The following MTREX variants were observed in gnomAD, a reference collection of about 807,000 sequenced individuals.
MTREX encodes the protein Mtr4 exosome RNA helicase.
In MTREX, 76 loss-of-function variants were observed where a neutral mutation model predicts 135.4. The observed-to-expected ratio is 0.56, with a 90% confidence interval of 0.47 to 0.68. MTREX has a LOEUF of 0.68. Ranked by LOEUF, MTREX falls within the 30% of genes least tolerant of loss-of-function variation. The pLI is 0.00. For missense variants in MTREX, 920 were observed against 1,262.1 expected, an observed-to-expected ratio of 0.73 and a Z score of 4.11; for synonymous variants, 404 against 401.6, an observed-to-expected ratio of 1.01 and a Z score of -0.07.
chr5:55,413,253 C>T (rs1366966953), intron 23 of MTREX, among the ~76,000 whole-genome samples: 1 of 151,090 alleles, frequency 6.6e-6, no homozygotes, highest in African/African-American at 2.4e-5. Flanking sequence ...AGGGGAATCG[C>T]TTGAACCCGG....
intron 13 of MTREX, among the ~76,000 whole-genome samples, chr5:55,351,410 C>T (rs1393391562): frequency 6.6e-6 from 1 of 152,062 alleles, no homozygotes; most frequent in Non-Finnish European, 1.5e-5. Context: ...CAAGCACCTG[C>T]AGTCCCAGCT....
intron 24 of MTREX, among the ~76,000 whole-genome samples, chr5:55,414,474 C>T (rs1750935452): frequency 1.3e-5 from 2 of 152,056 alleles, no homozygotes; most frequent in African/African-American, 2.4e-5. Context: ...AACTGTATAG[C>T]ATTGTTGTGA....
At chr5:55,392,562 A>G (rs1396580910) in intron 19 of MTREX, among the ~76,000 whole-genome samples, 1 of 151,658 alleles carries the variant, frequency 6.6e-6, no homozygotes, top group Non-Finnish European at 1.5e-5. Context: ...AAAAAAAAAA[A>G]AATTCCCCAG....
At chr5:55,322,607 G>T (rs1749307133) in intron 2 of MTREX, 143 bp downstream of exon 2, 2 of 581,428 alleles carry the variant, frequency 3.4e-6, no homozygotes, top group African/African-American at 3.8e-5. Context: ...ACACAGGCAT[G>T]TAAATGTAGA....
In MTREX at chr5:55,416,152, A is replaced by G. The variant is rs527983175; in HGVS notation, c.2971+20A>G. ...TTGAAGGTATGGTTAAATTTTACAC[A>G]TATATATTTACAGTATAAGAAATAC... On this transcript the variant is annotated intron_variant, in intron 25 of 26. Coordinates refer to ENST00000230640, the MANE Select transcript of MTREX (RefSeq NM_015360.5). 2.7e-6 allele frequency: 4 copies of G among 1,508,402 alleles called. No homozygotes were observed. The highest frequency in any genetic ancestry group is 1.4e-5 in the African/African-American group (1 of 70,668). 93.4% of individuals were successfully genotyped at this position (1,508,402 alleles called of 1,614,324 possible). A position where few individuals can be genotyped will look rare whatever the true frequency, so the allele number is the denominator to read the frequency against.
intron 24 of MTREX, among the ~76,000 whole-genome samples, 159 bp downstream of exon 24, chr5:55,414,397 C>T (rs927605299): frequency 1.3e-5 from 2 of 152,000 alleles, no homozygotes; most frequent in Non-Finnish European, 2.9e-5. Context: ...TTTAATGTTA[C>T]TCTGATAACA....
chr5:55,341,082 T>G lies in MTREX; in HGVS notation c.691-599T>G, dbSNP rs901914938. ...TGGTGAGCATAAATTAGCTTCTGAT[T>G]TGGAGAACCAGCCAAAAGCATTGCT... is the stretch of plus-strand genomic sequence containing the variant. On this transcript the variant is annotated intron_variant, in intron 6 of 26. Transcript: ENST00000230640. 2.0e-5 allele frequency among the ~76,000 whole-genome samples: 3 copies of G among 152,208 alleles called. No homozygotes were observed. In the East Asian group the frequency reaches 5.8e-4, roughly 29 times the overall value.
intron 2 of MTREX, 76 bp downstream of exon 2, chr5:55,322,540 T>C: frequency 8.9e-7 from 1 of 1,117,610 alleles, no homozygotes; most frequent in Non-Finnish European, 1.3e-6. Context: ...ATTGTCTCCA[T>C]GTTGCTACTT....
Position 55,406,562 on chromosome 5 carries a change from TAC to T in MTREX, c.2645+976_2645+977del, listed in dbSNP as rs555452115. 9.1e-3 allele frequency among the ~76,000 whole-genome samples: 1,380 copies of T among 152,306 alleles called. 15 individuals are homozygous for T. Among genetic ancestry groups the T allele is most frequent in the Non-Finnish European group, 0.015 (989 of 68,022 alleles). ...ATCATTTCCACCACATTCTCTTGAT[TAC>T]AGGTGAGTCATAAACCCTCCTGGAT... On this transcript the variant is annotated intron_variant, in intron 22 of 26. Transcript: ENST00000230640.
chr5:55,362,071 C>A (rs1294734377), intron 15 of MTREX, among the ~76,000 whole-genome samples: 1 of 149,218 alleles, frequency 6.7e-6, no homozygotes. Flanking sequence ...CATGCACCAC[C>A]ACGTCTGGCT....
chr5:55,332,813 C>G (rs1749499026), intron 5 of MTREX, among the ~76,000 whole-genome samples: 1 of 152,168 alleles, frequency 6.6e-6, no homozygotes, highest in Non-Finnish European at 1.5e-5. Flanking sequence ...TCGTAGGGGT[C>G]ATCTAAATCA....
Position 55,341,671 on chromosome 5 carries a change from T to C in MTREX, c.691-10T>C. On this transcript the variant is annotated splice_polypyrimidine_tract_variant and intron_variant, in intron 6 of 26. Coordinates refer to ENST00000230640, the MANE Select transcript of MTREX (RefSeq NM_015360.5). ...ATCCAACTAAATACATTTTTTACTTTTTTCTTTAGATTTTGAGAAGTATGC... is the reference window on the plus strand; with the variant it reads ...ATCCAACTAAATACATTTTTTACTTCTTTCTTTAGATTTTGAGAAGTATGC... 6.6e-7 allele frequency: 1 copy of C among 1,516,850 alleles called. No individual in the cohort carries two copies. Among genetic ancestry groups the C allele is most frequent in the Non-Finnish European group, 9.0e-7 (1 of 1,107,412 alleles). The allele number at this position is 1,516,850 out of a possible 1,614,324, so 94.0% of individuals were successfully genotyped here. A position where few individuals can be genotyped will look rare whatever the true frequency, so the allele number is the denominator to read the frequency against.
chr5:55,325,434 C>T (rs1416172732), intron 3 of MTREX, among the ~76,000 whole-genome samples: 1 of 150,864 alleles, frequency 6.6e-6, no homozygotes, highest in East Asian at 2.0e-4. Flanking sequence ...CAGGCTCAAG[C>T]AATCCTTCTG....
At chr5:55,417,127 T>C (rs776142523) in intron 25 of MTREX, among the ~76,000 whole-genome samples, 5 of 152,158 alleles carry the variant, frequency 3.3e-5, no homozygotes, top group South Asian at 2.1e-4. Context: ...TGGTGTTGTA[T>C]CTTACATATT....
intron 19 of MTREX, among the ~76,000 whole-genome samples, chr5:55,393,505 G>A (rs752140276): frequency 1.3e-5 from 2 of 152,196 alleles, no homozygotes; most frequent in Non-Finnish European, 1.5e-5. Context: ...TGTTTCAGGT[G>A]ATAGTCTTGA....
intron 16 of MTREX, among the ~76,000 whole-genome samples, chr5:55,372,943 TTTGTC>T (rs1750229211): frequency 7.8e-6 from 1 of 128,918 alleles, no homozygotes; most frequent in Non-Finnish European, 1.7e-5. Context: ...TGTGTGTGTG[TTTGTC>T]TATGGTTTTT....
intron 5 of MTREX, among the ~76,000 whole-genome samples, chr5:55,332,758 A>G (rs961616760): frequency 3.3e-5 from 5 of 152,172 alleles, no homozygotes; most frequent in Non-Finnish European, 4.4e-5. Context: ...TAAAGGCCCT[A>G]CTTCCAAATA....
chr5:55,410,821 T>C (rs1750875232), intron 23 of MTREX, among the ~76,000 whole-genome samples, 192 bp downstream of exon 23: 1 of 152,188 alleles, frequency 6.6e-6, no homozygotes, highest in African/African-American at 2.4e-5. Context: ...GAAAGGAGAA[T>C]AAAATAAGAT....
rs1751159586 is a variant in MTREX, at chr5:55,425,516, T to G, written c.*744T>G. 1 of 550,988 alleles carries G rather than the reference T, an allele frequency of 1.8e-6. No individual in the cohort carries two copies. The highest frequency in any genetic ancestry group is 2.0e-5 in the African/African-American group (1 of 51,072). The allele number at this position is 550,988 out of a possible 1,614,324, so 34.1% of individuals were successfully genotyped here. On this transcript the variant is annotated 3_prime_UTR_variant, in exon 27 of 27. Transcript: ENST00000230640. The stretch of plus-strand genomic sequence containing the variant: ...TTAAAGATTATTCCAAATTAAGAGT[T>G]GCTTTGTTATGCCTTCAGCAAATAG...
Sources: gnomAD v4.1 joint callset for allele counts (sites outside exome capture counted in the v4.1 genomes callset) on GRCh38, gnomAD v4.1.1 for gene constraint, MANE v1.5 for transcripts, NCBI Gene and HGNC (gene_info 2026-07-23, HGNC 2026-07-21) for gene names.